Variants in PRKG1 observed in about 807,000 individuals in gnomAD.
The protein encoded by PRKG1 is cGMP-dependent protein kinase 1.
A neutral mutation model predicts 88.1 loss-of-function variants in PRKG1; 35 were observed. The ratio of observed to expected loss-of-function variants is 0.40; its 90% CI spans 0.30 to 0.53. The LOEUF is 0.53. PRKG1 is among the 20% of genes least tolerant of loss of function. PRKG1 has a pLI of 0.59. For synonymous variants in PRKG1, 303 were observed against 292.5 expected, an observed-to-expected ratio of 1.04 and a Z score of -0.37; for missense variants, 540 against 839.8, an observed-to-expected ratio of 0.64 and a Z score of 4.41.
At chr10:51,339,854 T>A (rs1304710413) in intron 2 of PRKG1, among the ~76,000 whole-genome samples, 7 of 152,100 alleles carry the variant, frequency 4.6e-5, no homozygotes, top group African/African-American at 1.7e-4. Context: ...TTAAAAAAAC[T>A]CTGTAAATAT....
chr10:52,227,502 G>A (rs1048089367), intron 9 of PRKG1, among the ~76,000 whole-genome samples: 1 of 152,038 alleles, frequency 6.6e-6, no homozygotes, highest in African/African-American at 2.4e-5. Flanking sequence ...GTTATTATAA[G>A]TAATCTAGAG....
chr10:52,075,918 C>T (rs1016274275), intron 7 of PRKG1, among the ~76,000 whole-genome samples: 14 of 152,282 alleles, frequency 9.2e-5, no homozygotes, highest in Admixed American at 2.6e-4. Flanking sequence ...ACCTAAGGAT[C>T]TCCCAAAGGC....
intron 7 of PRKG1, among the ~76,000 whole-genome samples, chr10:52,108,825 C>CTT (rs61504053): frequency 0.14 from 16,697 of 122,408 alleles, 1,937 homozygotes; most frequent in African/African-American, 0.28. Context: ...ACAAGTATTC[C>CTT]TTTTTTTTTT....
chr10:51,087,853 C>T (rs1844294516), intron 1 of PRKG1, among the ~76,000 whole-genome samples: 1 of 152,194 alleles, frequency 6.6e-6, no homozygotes, highest in African/African-American at 2.4e-5. Context: ...CAACCTCCGC[C>T]TCCCGGGATC....
At chr10:51,594,416 T>C (rs1408834970) in intron 3 of PRKG1, among the ~76,000 whole-genome samples, 1 of 152,224 alleles carries the variant, frequency 6.6e-6, no homozygotes, top group Non-Finnish European at 1.5e-5. Flanking sequence ...CAGTTGAATA[T>C]ACATAATAAA....
intron 4 of PRKG1, among the ~76,000 whole-genome samples, chr10:51,807,797 A>T (rs1029533367): frequency 6.6e-6 from 1 of 152,106 alleles, no homozygotes; most frequent in Non-Finnish European, 1.5e-5. Flanking sequence ...GGCTTTATGG[A>T]TGGCTTTCGG....
At chr10:52,103,913 G>T (rs888767056) in intron 7 of PRKG1, among the ~76,000 whole-genome samples, 1 of 151,050 alleles carries the variant, frequency 6.6e-6, no homozygotes, top group Non-Finnish European at 1.5e-5. Context: ...ATTTCTCAGA[G>T]TCAAGAAAAA....
chr10:51,392,546 C>T (rs1011530416), intron 2 of PRKG1, among the ~76,000 whole-genome samples: 3 of 152,056 alleles, frequency 2.0e-5, no homozygotes, highest in African/African-American at 7.2e-5. Context: ...TACACAGACA[C>T]GGCAACCATC....
At chr10:52,274,872 A>G (rs1322143971) in intron 12 of PRKG1, among the ~76,000 whole-genome samples, 3 of 152,032 alleles carry the variant, frequency 2.0e-5, no homozygotes, top group African/African-American at 7.2e-5. Flanking sequence ...GATTATGGCC[A>G]TTCTTGCAGG....
At chr10:52,154,950 A>G (rs922015069) in intron 8 of PRKG1, among the ~76,000 whole-genome samples, 7 of 152,054 alleles carry the variant, frequency 4.6e-5, no homozygotes, top group African/African-American at 1.7e-4. Context: ...ACTCCATCCA[A>G]GTTGCTGTAA....
chr10:51,376,664 TTTG>T (rs1242064934), intron 2 of PRKG1, among the ~76,000 whole-genome samples: 2 of 150,832 alleles, frequency 1.3e-5, no homozygotes, highest in African/African-American at 2.5e-5. Flanking sequence ...CTTGTTTTTC[TTTG>T]TTGTTGTTTT....
intron 5 of PRKG1, among the ~76,000 whole-genome samples, chr10:52,037,201 C>G (rs1845639796): frequency 6.6e-6 from 1 of 152,148 alleles, no homozygotes; most frequent in Non-Finnish European, 1.5e-5. Context: ...TTCCTTGGCC[C>G]AGTGGCCAGA....
At chr10:51,362,015 G>A (rs1457269177) in intron 2 of PRKG1, among the ~76,000 whole-genome samples, 2 of 151,762 alleles carry the variant, frequency 1.3e-5, no homozygotes, top group Non-Finnish European at 2.9e-5. Flanking sequence ...GCAAGAGTAA[G>A]TTATTAAAAA....
At chr10:51,544,224 G>A (rs554448817) in intron 3 of PRKG1, among the ~76,000 whole-genome samples, 273 of 68,362 alleles carry the variant, frequency 4.0e-3, no homozygotes, top group Non-Finnish European at 6.4e-3. Flanking sequence ...CCCCAAAACA[G>A]GCCCCAGTGT....
intron 2 of PRKG1, among the ~76,000 whole-genome samples, chr10:51,348,101 G>T (rs1842156851): frequency 6.6e-6 from 1 of 151,900 alleles, no homozygotes; most frequent in Non-Finnish European, 1.5e-5. Flanking sequence ...AACAAAGTTT[G>T]GGGAGAAAAC....
intron 7 of PRKG1, 102 bp downstream of exon 7, chr10:52,062,733 A>T: frequency 1.2e-6 from 1 of 811,646 alleles, no homozygotes. Context: ...TTTAGTGCTT[A>T]TCTCAATATC....
intron 7 of PRKG1, among the ~76,000 whole-genome samples, chr10:52,133,548 T>C (rs569270417): frequency 6.6e-6 from 1 of 152,246 alleles, no homozygotes; most frequent in South Asian, 2.1e-4. Context: ...TATCCAACTA[T>C]TTTATTAATT....
intron 2 of PRKG1, among the ~76,000 whole-genome samples, chr10:51,465,369 G>T (rs1386766279): frequency 6.6e-6 from 1 of 152,134 alleles, no homozygotes; most frequent in African/African-American, 2.4e-5. Flanking sequence ...CAGAGAGTCA[G>T]AGAAATAGAC....
chr10:51,365,596 CAT>C (rs956743126), intron 2 of PRKG1, among the ~76,000 whole-genome samples: 2 of 151,858 alleles, frequency 1.3e-5, no homozygotes, highest in African/African-American at 4.8e-5. Context: ...TTTCTAACAA[CAT>C]GTGGTGAAAG....
Sources: gnomAD v4.1 joint callset for allele counts (sites outside exome capture counted in the v4.1 genomes callset) on GRCh38, gnomAD v4.1.1 for gene constraint, MANE v1.5 for transcripts, NCBI Gene and HGNC (gene_info 2026-07-23, HGNC 2026-07-21) for gene names.